Variants in ANK1 observed in about 807,000 individuals in gnomAD.
The protein encoded by ANK1 is ankyrin 1.
A neutral mutation model predicts 210.4 loss-of-function variants in ANK1; 51 were observed. That is an observed-to-expected ratio of 0.24 (90% CI 0.19 to 0.31). The LOEUF (loss-of-function observed/expected upper bound fraction) is 0.31. Among genes scored for constraint, ANK1 ranks in the 10% least tolerant of loss-of-function variants. The pLI, the probability that ANK1 is intolerant of heterozygous loss-of-function variation, is 1.00. For missense variants in ANK1, 2,051 were observed against 2,504.4 expected, an observed-to-expected ratio of 0.82 and a Z score of 3.86; for synonymous variants, 967 against 1,025.9, an observed-to-expected ratio of 0.94 and a Z score of 1.10.
At chr8:41,675,613 T>G (rs1259377757) in intron 37 of ANK1, among the ~76,000 whole-genome samples, 2 of 152,212 alleles carry the variant, frequency 1.3e-5, no homozygotes, top group African/African-American at 4.8e-5. Context: ...TGACATTCAA[T>G]AAATGTGTAT....
At chr8:41,759,022 T>C (rs1332341379) in intron 1 of ANK1, among the ~76,000 whole-genome samples, 1 of 150,268 alleles carries the variant, frequency 6.7e-6, no homozygotes, top group African/African-American at 2.4e-5. Context: ...TAAGCCACCA[T>C]ACCCAGCCCT....
At chr8:41,670,707 T>C (rs1279655017) in intron 38 of ANK1, among the ~76,000 whole-genome samples, 1 of 151,910 alleles carries the variant, frequency 6.6e-6, no homozygotes, top group East Asian at 1.9e-4. Context: ...GGCCTCAGGG[T>C]GGGACTGAGG....
chr8:41,725,717 C>CG, intron 6 of ANK1, 44 bp downstream of exon 6: 4 of 1,584,352 alleles, frequency 2.5e-6, no homozygotes, highest in Non-Finnish European at 3.4e-6. Context: ...CCTGAGCCCA[C>CG]GGGCGTCCGC....
At chr8:41,862,837 C>G (rs1813556603) in intron 1 of ANK1, among the ~76,000 whole-genome samples, 1 of 150,758 alleles carries the variant, frequency 6.6e-6, no homozygotes, top group African/African-American at 2.4e-5. Context: ...TGGCAAGACC[C>G]CTGTCTCTAT....
At chr8:41,839,308 C>T (rs1808404167) in intron 1 of ANK1, among the ~76,000 whole-genome samples, 1 of 152,176 alleles carries the variant, frequency 6.6e-6, no homozygotes, top group African/African-American at 2.4e-5. Context: ...AACTGTTATC[C>T]TTACTTCATC....
At chr8:41,866,457 G>C (rs1814479113) in intron 1 of ANK1, among the ~76,000 whole-genome samples, 1 of 152,232 alleles carries the variant, frequency 6.6e-6, no homozygotes, top group Admixed American at 6.5e-5. Flanking sequence ...GCCTCCCAAA[G>C]TGCTGAGATG....
chr8:41,836,584 G>A (rs376499514), intron 1 of ANK1, among the ~76,000 whole-genome samples: 28 of 152,294 alleles, frequency 1.8e-4, no homozygotes, highest in Middle Eastern at 3.4e-3. Flanking sequence ...TCCAACCGGC[G>A]AAAACTCAGC....
intron 24 of ANK1, 165 bp downstream of exon 24, chr8:41,697,878 G>T: frequency 1.4e-6 from 1 of 738,090 alleles, no homozygotes; most frequent in Non-Finnish European, 2.4e-6. Context: ...CGCCACCAAT[G>T]TTGCACCATT....
upstream of ANK1, among the ~76,000 whole-genome samples, chr8:41,798,137 C>A (rs1341415258): frequency 5.3e-5 from 8 of 151,986 alleles, no homozygotes; most frequent in Non-Finnish European, 1.0e-4. Context: ...GAGCGCTGAG[C>A]CAGGGCGCAC....
Position 41,814,776 on chromosome 8 carries a change from A to C in ANK1, c.127-56639T>G, listed in dbSNP as rs139464399. On this transcript the variant is annotated intron_variant, in intron 1 of 42. Transcript: ENST00000265709. ...TCCATGGCAAACAACATCTTAAAAT[A>C]ATAACTAGAATCATGACTGATTTAT... Among the ~76,000 whole-genome samples, 770 of 151,850 alleles carry C rather than the reference A, an allele frequency of 5.1e-3. 5 individuals carry two copies. The highest frequency in any genetic ancestry group is 0.016 in the African/African-American group (680 of 41,396).
At chr8:41,801,293 T>A (rs1849822481), upstream of ANK1, among the ~76,000 whole-genome samples, 3 of 152,244 alleles carry the variant, frequency 2.0e-5, no homozygotes, top group Admixed American at 1.3e-4. Flanking sequence ...TTGAGCTGTT[T>A]TCAACTTTTT....
chr8:41,816,668 A>T (rs989316652), intron 1 of ANK1, among the ~76,000 whole-genome samples: 1 of 152,108 alleles, frequency 6.6e-6, no homozygotes, highest in Non-Finnish European at 1.5e-5. Context: ...GACCTCAAGC[A>T]GTCCTCCCAC....
At chr8:41,752,044 A>T (rs1213095381) in intron 2 of ANK1, among the ~76,000 whole-genome samples, 5 of 151,988 alleles carry the variant, frequency 3.3e-5, no homozygotes, top group Non-Finnish European at 5.9e-5. Context: ...CTCTCCCAAG[A>T]ATACTGTTCC....
rs1181720172 is a variant in ANK1, at chr8:41,703,434, ATATATATATATATATAT to A, written c.2295+590_2295+606del. Among the ~76,000 whole-genome samples the A allele has an allele frequency of 5.9e-5, 4 of 67,456 alleles. No homozygotes were observed. The East Asian group carries it at 1.6e-3, about 28-fold the overall frequency. 44.3% of individuals were successfully genotyped at this position (67,456 alleles called of 152,430 possible). On this transcript the variant is annotated intron_variant, in intron 20 of 42. Coordinates refer to ENST00000289734, the MANE Select transcript of ANK1 (RefSeq NM_000037.4). Reference sequence around the variant, plus strand: ...TGTGTGTGTGTGTGTATATATATATATATATATATATATATATTTTTTTTTTTTTTTTAAGACACAAG... The same window carrying A: ...TGTGTGTGTGTGTGTATATATATATATTTTTTTTTTTTTTTAAGACACAAG...
chr8:41,792,602 C>T (rs148641481), intron 1 of ANK1, among the ~76,000 whole-genome samples: 64 of 152,280 alleles, frequency 4.2e-4, no homozygotes, highest in African/African-American at 1.4e-3. Context: ...GGAGCTGTTG[C>T]CCGCCTCCCG....
At chr8:41,891,712 C>T (rs1819490249) in intron 1 of ANK1, among the ~76,000 whole-genome samples, 1 of 152,322 alleles carries the variant, frequency 6.6e-6, no homozygotes, top group Admixed American at 6.5e-5. Flanking sequence ...ATTCCCACAT[C>T]TTCAGCCCCT....
Position 41,696,771 on chromosome 8 carries a change from T to C in ANK1, c.2640A>G (p.Ala880=). The C allele has an allele frequency of 1.3e-6, 2 of 1,599,804 alleles. No individual in the cohort carries two copies. Among genetic ancestry groups the C allele is most frequent in the South Asian group, 2.2e-5 (2 of 91,004 alleles). The change falls in exon 25 of 43, where the codon GCA becomes GCG. Residue 880 remains alanine, a splice_region_variant and synonymous_variant. Coordinates refer to ENST00000289734, the MANE Select transcript of ANK1 (RefSeq NM_000037.4). ...VVIRSEEQEQ[A]SKEYDEDSLI... ...GGGAGTCCTCATCATACTCTTTAGA[T>C]GCCTGAGGAGAGAGAAAGGGTCCTC...
chr8:41,703,919 A>G, intron 20 of ANK1, 122 bp downstream of exon 20: 1 of 866,724 alleles, frequency 1.2e-6, no homozygotes, highest in Non-Finnish European at 1.9e-6. Flanking sequence ...CTGTGGCTTT[A>G]GGGTGCTGCG....
chr8:41,886,071 T>C lies in ANK1; in HGVS notation c.126+10284A>G, dbSNP rs116948002. On this transcript the variant is annotated intron_variant, in intron 1 of 42. Coordinates refer to the ANK1 transcript ENST00000265709. ...CAGGACGTTCATCTTTTAAGTCTCA[T>C]TCGGGATTAAAGAGGAAAACTCCAA... is the stretch of plus-strand genomic sequence containing the variant. Among the ~76,000 whole-genome samples the C allele has an allele frequency of 9.7e-3, 1,485 of 152,322 alleles. 5 individuals carry two copies. Among genetic ancestry groups the C allele is most frequent in the Non-Finnish European group, 0.015 (1,006 of 68,026 alleles).
Sources: gnomAD v4.1 joint callset for allele counts (sites outside exome capture counted in the v4.1 genomes callset) on GRCh38, gnomAD v4.1.1 for gene constraint, MANE v1.5 for transcripts, NCBI Gene and HGNC (gene_info 2026-07-23, HGNC 2026-07-21) for gene names.